The following HNF1A variants were observed in gnomAD, a reference collection of about 807,000 sequenced individuals.
The protein encoded by HNF1A is hepatocyte nuclear factor 1-alpha.
Under a neutral mutation model 62.2 loss-of-function variants are expected in HNF1A, and 21 were observed. The observed-to-expected ratio is 0.34, with a 90% CI of 0.24 to 0.49. HNF1A has a LOEUF of 0.49. Ranked by LOEUF, HNF1A falls within the 20% of genes least tolerant of loss-of-function variation. The pLI is 0.99. For synonymous variants in HNF1A, 374 were observed against 366.8 expected (o/e 1.02, Z -0.22); for missense variants, 687 against 832.3 (o/e 0.83, Z 2.15).
intron 2 of HNF1A, among the ~76,000 whole-genome samples, chr12:120,993,242 AGTCTTG>A (rs1486104670): frequency 2.0e-5 from 3 of 152,246 alleles, no homozygotes; most frequent in African/African-American, 7.2e-5. Flanking sequence ...GCTTACCTGC[AGTCTTG>A]TACTGAGAAG....
At chr12:120,989,378 C>T (rs1876698105) in intron 2 of HNF1A, among the ~76,000 whole-genome samples, 1 of 152,182 alleles carries the variant, frequency 6.6e-6, no homozygotes. Flanking sequence ...CTGCCTCAGC[C>T]TCCGGAATAG....
intron 2 of HNF1A, among the ~76,000 whole-genome samples, chr12:120,991,016 T>G (rs1490584176): frequency 1.3e-5 from 2 of 152,226 alleles, no homozygotes; most frequent in Non-Finnish European, 2.9e-5. Context: ...TGGATCTCAT[T>G]CTTTATAAGG....
intron 2 of HNF1A, among the ~76,000 whole-genome samples, chr12:120,990,725 GAGAA>G (rs1004249381): frequency 7.3e-5 from 11 of 150,632 alleles, no homozygotes; most frequent in Non-Finnish European, 1.2e-4. Context: ...AAAAGAACGA[GAGAA>G]AGAAAGAAAG....
rs564600267 is a variant in HNF1A at position 120,996,262 on chromosome 12, G to C, written c.956G>C (p.Gly319Ala). Reference protein sequence around the residue: ...PPALSPSKVHGVRYGQPATSE... With the variant: ...PPALSPSKVHAVRYGQPATSE... ...GGCAGGACACTGCTTCCCTCTCCAG[G>C]TGTGCGCTATGGACAGCCTGCGACC... The change falls in exon 5 of 10, where the codon GGT becomes GCT. Residue 319 changes from glycine to alanine, a missense_variant and splice_region_variant. By Grantham distance (60) the Gly-to-Ala change is moderately conservative. Transcript: ENST00000257555. This position sits in a 1 kb window ranked among gnomAD's most constrained non-coding sequence, Gnocchi z 4.5. 6.2e-7 allele frequency: 1 copy of C among 1,614,042 alleles called. No individual in the cohort carries two copies. Among genetic ancestry groups the C allele is most frequent in the South Asian group, 1.1e-5 (1 of 91,066 alleles).
chr12:120,990,667 A>G (rs187362923), intron 2 of HNF1A, among the ~76,000 whole-genome samples: 25 of 146,184 alleles, frequency 1.7e-4, no homozygotes, highest in African/African-American at 5.8e-4. Context: ...AAAGGGAGGA[A>G]AGGTAGGAAA....
At chr12:121,000,163 TATG>T (rs1877358862) in intron 9 of HNF1A, among the ~76,000 whole-genome samples, 1 of 152,186 alleles carries the variant, frequency 6.6e-6, no homozygotes, top group African/African-American at 2.4e-5. Context: ...GTTTGTAATC[TATG>T]ATGCCATTGT....
At chr12:120,987,506 A>G (rs1251035125) in intron 1 of HNF1A, among the ~76,000 whole-genome samples, 1 of 151,264 alleles carries the variant, frequency 6.6e-6, no homozygotes, top group Non-Finnish European at 1.5e-5. Context: ...AAAGAAAAGA[A>G]AAACCAGCCT....
chr12:120,987,106 G>GT (rs1876548090), intron 1 of HNF1A, among the ~76,000 whole-genome samples: 2 of 152,252 alleles, frequency 1.3e-5, no homozygotes, highest in South Asian at 4.1e-4. Flanking sequence ...CACAGAGTAG[G>GT]ATTCCAGTGT....
intron 2 of HNF1A, among the ~76,000 whole-genome samples, chr12:120,991,821 G>C (rs1876855610): frequency 6.6e-6 from 1 of 152,162 alleles, no homozygotes; most frequent in Non-Finnish European, 1.5e-5. Flanking sequence ...AAATCTGTTA[G>C]AACTAGATTT....
At position 120,989,033 on chromosome 12, in the gene HNF1A, G is replaced by A. The variant is rs1364708195; in HGVS notation, c.526+1G>A. On this transcript the variant is annotated splice_donor_variant, in intron 2 of 9. Coordinates refer to ENST00000257555, the MANE Select transcript of HNF1A (RefSeq NM_000545.8). LOFTEE classifies it high-confidence loss of function. ...CGCAAGCAGCGAGAGGTGGCGCAGCGTAAGTAATGACCCTACCCCGCATCT... is the reference window on the plus strand; with the variant it reads ...CGCAAGCAGCGAGAGGTGGCGCAGCATAAGTAATGACCCTACCCCGCATCT... 1.2e-6 allele frequency: 2 copies of A among 1,614,064 alleles called. No individual in the cohort carries two copies. Among genetic ancestry groups the A allele is most frequent in the African/African-American group, 1.3e-5 (1 of 75,058 alleles).
intron 1 of HNF1A, among the ~76,000 whole-genome samples, chr12:120,982,398 T>A (rs550961570): frequency 1.3e-5 from 2 of 152,172 alleles, no homozygotes; most frequent in East Asian, 3.9e-4. Context: ...TGAAGTATTC[T>A]GATCCTGCCC....
At position 121,001,236 on chromosome 12, in the gene HNF1A, G is replaced by A; in HGVS notation, c.*44G>A. On this transcript the variant is annotated 3_prime_UTR_variant, in exon 10 of 10. Coordinates refer to ENST00000257555, the MANE Select transcript of HNF1A (RefSeq NM_000545.8). ...GGGGCCTGTACTGCCTGCTTGGGGG[G>A]TGATGAGGGCAGCAGCCAGCCCTGC... 1 of 1,610,200 alleles carries A rather than the reference G, an allele frequency of 6.2e-7. No homozygotes were observed. Among genetic ancestry groups the A allele is most frequent in the Non-Finnish European group, 8.5e-7 (1 of 1,178,520 alleles).
intron 1 of HNF1A, among the ~76,000 whole-genome samples, chr12:120,988,271 CCCA>C (rs1172214589): frequency 7.1e-6 from 1 of 140,222 alleles, no homozygotes; most frequent in African/African-American, 2.6e-5. Flanking sequence ...CACCCACCCA[CCCA>C]CCAATCCATC....
At chr12:120,997,105 T>C in intron 6 of HNF1A, 1 of 1,404,052 alleles carries the variant, frequency 7.1e-7, no homozygotes, top group Non-Finnish European at 9.3e-7. Context: ...GGTACAATTA[T>C]GCAGAAGCCC....
rs1223974894 is a variant in HNF1A at position 120,978,610 on chromosome 12, G to T, written c.-159G>T. 1.4e-6 allele frequency: 1 copy of T among 711,156 alleles called. No homozygotes were observed. The highest frequency in any genetic ancestry group is 1.7e-5 in the African/African-American group (1 of 57,652). The allele number at this position is 711,156 out of a possible 1,614,324, so 44.1% of individuals were successfully genotyped here. A position where few individuals can be genotyped will look rare whatever the true frequency, so the allele number is the denominator to read the frequency against. On this transcript the variant is annotated 5_prime_UTR_variant, in exon 1 of 10. Transcript: ENST00000257555. ...GCCGCTGGGGCCAGGGTTGGGGGTT[G>T]GGGGTGCCCACAGGGCTTGGCTAGT...
chr12:120,993,692 G>C lies in HNF1A; in HGVS notation c.699G>C (p.Val233=). 1 of 1,614,008 alleles carries C rather than the reference G, an allele frequency of 6.2e-7. No homozygotes were observed. The highest frequency in any genetic ancestry group is 8.5e-7 in the Non-Finnish European group (1 of 1,180,030). ...GCAAGGAGGAGCGAGAGACGCTAGT[G>C]GAGGAGTGCAATAGGTACAACGGCG... ...NPSKEERETL[V]EECNRAECIQ... The change falls in exon 3 of 10, where the codon GTG becomes GTC. Residue 233 remains valine (V), a synonymous_variant. Transcript: ENST00000257555.
At chr12:120,988,413 C>T (rs1031925059) in intron 1 of HNF1A, among the ~76,000 whole-genome samples, 8 of 151,652 alleles carry the variant, frequency 5.3e-5, no homozygotes, top group Admixed American at 3.3e-4. Context: ...TCCACCCATT[C>T]GCCCATCCAT....
At chr12:120,999,190 CT>C in intron 7 of HNF1A, 77 bp from the exon 8 acceptor site, 10 of 1,577,126 alleles carry the variant, frequency 6.3e-6, no homozygotes, top group Admixed American at 5.0e-5. Context: ...CCATGCCCCC[CT>C]TTCCCCAGTC....
chr12:120,996,922 C>A lies in HNF1A; in HGVS notation c.1309+180C>A. ...TGATACCTGGGTGAACCAAACAGAC[C>A]AAAATCTCAGCAACTCAAGCAGGGA... is the stretch of plus-strand genomic sequence containing the variant. On this transcript the variant is annotated intron_variant, in intron 6 of 9. Coordinates refer to ENST00000257555, the MANE Select transcript of HNF1A (RefSeq NM_000545.8). This position sits in a 1 kb window ranked among gnomAD's most constrained non-coding sequence, Gnocchi z 4.5. 6.6e-7 allele frequency: 1 copy of A among 1,506,646 alleles called. No individual in the cohort carries two copies. Among genetic ancestry groups the A allele is most frequent in the Non-Finnish European group, 9.0e-7 (1 of 1,108,386 alleles). 93.3% of individuals were successfully genotyped at this position (1,506,646 alleles called of 1,614,324 possible). A position where few individuals can be genotyped will look rare whatever the true frequency, so the allele number is the denominator to read the frequency against.
Sources: gnomAD v4.1 joint callset for allele counts (sites outside exome capture counted in the v4.1 genomes callset) on GRCh38, gnomAD v4.1.1 for gene constraint, Gnocchi (gnomAD v3.1) non-coding constraint, MANE v1.5 for transcripts, NCBI Gene and HGNC (gene_info 2026-07-23, HGNC 2026-07-21) for gene names.